The following PAQR3 variants were observed in gnomAD, a reference collection of about 807,000 sequenced individuals.
The protein encoded by PAQR3 is progestin and adipoQ receptor family member 3.
Under a neutral mutation model 41.7 loss-of-function variants are expected in PAQR3, and 39 were observed. The observed-to-expected ratio is 0.93, with a 90% CI of 0.72 to 1.22. The LOEUF (loss-of-function observed/expected upper bound fraction) is 1.22. Ranked by LOEUF, PAQR3 falls within the 50% of genes most tolerant of loss-of-function variation. The pLI is 0.00. For missense variants in PAQR3, 366 were observed against 385.6 expected, an observed-to-expected ratio of 0.95 and a Z score of 0.42; for synonymous variants, 140 against 140.6, an observed-to-expected ratio of 1.00 and a Z score of 0.03.
chr4:78,915,608 G>T lies in PAQR3; in HGVS notation c.*4931C>A, dbSNP rs1473923072. On this transcript the variant is annotated 3_prime_UTR_variant, in exon 6 of 6. Transcript: ENST00000512733. ...TATTTGAGAACTTTTATACTCAGTGGTGTTTTATATATTAAGATAAAAATA... is the reference window on the plus strand; with the variant it reads ...TATTTGAGAACTTTTATACTCAGTGTTGTTTTATATATTAAGATAAAAATA... 6.6e-6 allele frequency: 1 copy of T among 151,754 alleles called. No homozygotes were observed. Among genetic ancestry groups the T allele is most frequent in the Non-Finnish European group, 1.5e-5 (1 of 67,868 alleles). The allele number at this position is 151,754 out of a possible 1,614,324, so 9.4% of individuals were successfully genotyped here. A position where few individuals can be genotyped will look rare whatever the true frequency, so the allele number is the denominator to read the frequency against.
chr4:78,936,500 G>A (rs1737441063), intron 1 of PAQR3, among the ~76,000 whole-genome samples: 1 of 152,216 alleles, frequency 6.6e-6, no homozygotes, highest in East Asian at 1.9e-4. Flanking sequence ...TTAGTTATAC[G>A]TCAACGCTTA....
chr4:78,896,042 A>G (rs1045734290), intron 11 of PAQR3, among the ~76,000 whole-genome samples: 1 of 152,216 alleles, frequency 6.6e-6, no homozygotes, highest in African/African-American at 2.4e-5. Context: ...TACAGGCGTG[A>G]GCCATCCTGC....
At position 78,918,827 on chromosome 4, in the gene PAQR3, T is replaced by C. The variant is rs1430284230; in HGVS notation, c.*1712A>G. The stretch of plus-strand genomic sequence containing the variant: ...TTTGGCCAAAATGACAAAATATCTA[T>C]TAAAAGGCAATAAAATCATGTAAGC... On this transcript the variant is annotated 3_prime_UTR_variant, in exon 6 of 6. Transcript: ENST00000512733. The C allele has an allele frequency of 4.1e-6, 4 of 984,532 alleles. No individual in the cohort carries two copies. Among genetic ancestry groups the C allele is most frequent in the African/African-American group, 1.7e-5 (1 of 57,166 alleles). 61.0% of individuals were successfully genotyped at this position (984,532 alleles called of 1,614,324 possible).
intron 11 of PAQR3, among the ~76,000 whole-genome samples, chr4:78,901,046 T>G (rs1733973868): frequency 2.0e-5 from 3 of 152,046 alleles, no homozygotes; most frequent in African/African-American, 7.2e-5. Context: ...TTGGCAAACT[T>G]GTTTTCCTTT....
At chr4:78,930,128 C>A in intron 3 of PAQR3, 42 bp downstream of exon 3, 3 of 1,555,446 alleles carry the variant, frequency 1.9e-6, no homozygotes, top group Non-Finnish European at 2.6e-6. Flanking sequence ...AAACCCAAGA[C>A]CAATATGAAA....
chr4:78,938,067 C>G (rs533112422), intron 1 of PAQR3, among the ~76,000 whole-genome samples: 2 of 152,262 alleles, frequency 1.3e-5, no homozygotes, highest in Admixed American at 1.3e-4. Context: ...ACTTTCATGG[C>G]AGGACAAAAG....
In PAQR3 at chr4:78,915,179, A is replaced by T. The variant is rs1243635586; in HGVS notation, c.*5360T>A. 1 of 151,918 alleles carries T rather than the reference A, an allele frequency of 6.6e-6. No individual in the cohort carries two copies. The highest frequency in any genetic ancestry group is 2.4e-5 in the African/African-American group (1 of 41,388). The allele number at this position is 151,918 out of a possible 1,614,324, so 9.4% of individuals were successfully genotyped here. A position where few individuals can be genotyped will look rare whatever the true frequency, so the allele number is the denominator to read the frequency against. ...TGGGTATAGTTACGACATTATCCGG[A>T]TTTGCAAATAGACACAACTTTCAGT... is the stretch of plus-strand genomic sequence containing the variant. On this transcript the variant is annotated 3_prime_UTR_variant, in exon 6 of 6. Coordinates refer to ENST00000512733, the MANE Select transcript of PAQR3 (RefSeq NM_001040202.2).
chr4:78,923,495 T>C, intron 5 of PAQR3: 1 of 275,318 alleles, frequency 3.6e-6, no homozygotes, highest in Non-Finnish European at 6.9e-6. Context: ...TATCTCTGCA[T>C]ATATAAATTA....
chr4:78,923,497 T>C (rs1735874847), intron 5 of PAQR3: 2 of 275,752 alleles, frequency 7.3e-6, no homozygotes, highest in South Asian at 4.3e-5. Flanking sequence ...TCTCTGCATA[T>C]ATAAATTACT....
At chr4:78,895,314 A>G (rs1040743107) in intron 11 of PAQR3, among the ~76,000 whole-genome samples, 4 of 152,216 alleles carry the variant, frequency 2.6e-5, no homozygotes, top group African/African-American at 9.6e-5. Context: ...TGATCTTTTT[A>G]AAGCATAGGG....
At chr4:78,911,184 C>A, downstream of PAQR3, 1 of 1,613,718 alleles carries the variant, frequency 6.2e-7, no homozygotes, top group Non-Finnish European at 8.5e-7. Flanking sequence ...ATGAAAAGAA[C>A]CTCCCTCAAC....
At chr4:78,887,985 T>C (rs1733193530) in intron 12 of PAQR3, 1 of 152,238 alleles carries the variant, frequency 6.6e-6, no homozygotes, top group South Asian at 2.1e-4. Context: ...TCTGTTCCTT[T>C]TGTTTCTCAC....
intron 5 of PAQR3, chr4:78,921,965 T>C: frequency 1.0e-6 from 1 of 983,812 alleles, no homozygotes; most frequent in Non-Finnish European, 1.2e-6. Context: ...TGTTTATATA[T>C]GTCCTATATT....
intron 5 of PAQR3, chr4:78,922,477 G>T: frequency 8.1e-7 from 1 of 1,235,614 alleles, no homozygotes; most frequent in Non-Finnish European, 1.1e-6. Context: ...ACTGCTCCCT[G>T]ACTCATAGCT....
At chr4:78,923,788 C>T in intron 5 of PAQR3, 69 bp downstream of exon 5, 1 of 975,624 alleles carries the variant, frequency 1.0e-6, no homozygotes, top group South Asian at 1.4e-5. Flanking sequence ...AGTTTTGATG[C>T]TCTGATGCAT....
downstream of PAQR3, chr4:78,910,902 G>C: frequency 6.2e-7 from 1 of 1,613,950 alleles, no homozygotes; most frequent in Non-Finnish European, 8.5e-7. Context: ...TGGGTCATAG[G>C]CCTCTCCTCA....
At chr4:78,897,663 C>T (rs923420284) in intron 11 of PAQR3, among the ~76,000 whole-genome samples, 2 of 151,988 alleles carry the variant, frequency 1.3e-5, no homozygotes, top group African/African-American at 2.4e-5. Flanking sequence ...TTTTTTATAG[C>T]GCTAAGTATC....
chr4:78,893,672 C>T (rs1458399491), intron 11 of PAQR3, among the ~76,000 whole-genome samples: 2 of 152,200 alleles, frequency 1.3e-5, no homozygotes, highest in African/African-American at 4.8e-5. Flanking sequence ...CAGTGATCCT[C>T]CCGCCTCAGC....
chr4:78,891,555 T>C (rs1733440596), intron 11 of PAQR3, among the ~76,000 whole-genome samples: 1 of 152,218 alleles, frequency 6.6e-6, no homozygotes, highest in Non-Finnish European at 1.5e-5. Context: ...TTTGTTCTCC[T>C]CTGTTTTCTA....
Sources: allele counts gnomAD v4.1 joint callset (sites outside exome capture counted in the v4.1 genomes callset), GRCh38; gene constraint gnomAD v4.1.1; transcripts MANE v1.5; gene names NCBI Gene and HGNC (gene_info 2026-07-23, HGNC 2026-07-21).